The following ELF2 variants were observed in gnomAD, a reference collection of about 807,000 sequenced individuals.
ELF2 encodes the protein ETS-related transcription factor Elf-2.
A neutral mutation model predicts 54.8 loss-of-function variants in ELF2; 11 were observed. The observed-to-expected ratio is 0.20, with a 90% confidence interval of 0.13 to 0.33. The LOEUF (loss-of-function observed/expected upper bound fraction) is 0.33. Ranked by LOEUF, ELF2 falls within the 10% of genes least tolerant of loss-of-function variation. The pLI, the probability that ELF2 is intolerant of heterozygous loss-of-function variation, is 1.00. For synonymous variants in ELF2, 203 were observed against 245.1 expected (o/e 0.83, Z 1.61); for missense variants, 513 against 703.0 (o/e 0.73, Z 3.06).
chr4:139,114,597 A>ACACACACACACACACACACAC (rs1370544863), intron 4 of ELF2, among the ~76,000 whole-genome samples: 17 of 145,784 alleles, frequency 1.2e-4, no homozygotes, highest in South Asian at 2.2e-4. Flanking sequence ...ACACACACAC[A>ACACACACACACACACACACAC]ATTTAGGAGC....
At chr4:139,135,235 A>ATGTGTGTGTG (rs768773968) in intron 3 of ELF2, among the ~76,000 whole-genome samples, 1 of 131,886 alleles carries the variant, frequency 7.6e-6, no homozygotes, top group Non-Finnish European at 1.6e-5. Flanking sequence ...ACTACTATAT[A>ATGTGTGTGTG]TATGTGTGTG....
At chr4:139,146,055 G>A (rs904807286) in intron 1 of ELF2, among the ~76,000 whole-genome samples, 7 of 152,256 alleles carry the variant, frequency 4.6e-5, no homozygotes, top group African/African-American at 1.7e-4. Context: ...GAAATAAAGG[G>A]CATCCAAATT....
intron 4 of ELF2, among the ~76,000 whole-genome samples, chr4:139,117,136 G>C (rs1042649523): frequency 6.6e-6 from 1 of 152,068 alleles, no homozygotes; most frequent in African/African-American, 2.4e-5. Flanking sequence ...CGTGGTTAAG[G>C]AGCAAAGTCC....
intron 3 of ELF2, 48 bp from the exon 4 acceptor site, chr4:139,125,377 C>G (rs781040594): frequency 5.7e-6 from 9 of 1,588,382 alleles, no homozygotes; most frequent in South Asian, 1.2e-5. Context: ...TTTACAAATT[C>G]TGAATTCACT....
intron 3 of ELF2, among the ~76,000 whole-genome samples, chr4:139,130,802 AGTC>A (rs1737414288): frequency 6.6e-6 from 1 of 152,246 alleles, no homozygotes; most frequent in Non-Finnish European, 1.5e-5. Context: ...AGAATAATAA[AGTC>A]AACAAATTTT....
intron 1 of ELF2, among the ~76,000 whole-genome samples, chr4:139,168,754 G>T: frequency 6.6e-6 from 1 of 152,000 alleles, no homozygotes; most frequent in East Asian, 1.9e-4. Context: ...TTTTTTTAGA[G>T]ACAGGGTCTC....
At chr4:139,097,442 C>A (rs1050114340) in intron 4 of ELF2, among the ~76,000 whole-genome samples, 2 of 152,080 alleles carry the variant, frequency 1.3e-5, no homozygotes, top group African/African-American at 4.8e-5. Context: ...ATGGGTGAAA[C>A]CCCGTCTCTA....
At chr4:139,104,672 A>C (rs1480104935) in intron 4 of ELF2, among the ~76,000 whole-genome samples, 2 of 152,196 alleles carry the variant, frequency 1.3e-5, no homozygotes, top group Admixed American at 1.3e-4. Flanking sequence ...TTTTCCATCA[A>C]TGAGGACAGG....
intron 4 of ELF2, among the ~76,000 whole-genome samples, chr4:139,110,637 T>A (rs72949635): frequency 0.015 from 2,252 of 152,356 alleles, 63 homozygotes; most frequent in African/African-American, 0.051. Flanking sequence ...ATTCTAGTTC[T>A]TGCTTTAAAA....
chr4:139,103,958 T>C (rs1478527982), intron 4 of ELF2, among the ~76,000 whole-genome samples: 1 of 152,212 alleles, frequency 6.6e-6, no homozygotes, highest in East Asian at 1.9e-4. Context: ...ATATAAAACA[T>C]ATGAAAAGTA....
At chr4:139,067,656 A>C (rs751818135) in intron 7 of ELF2, 28 bp downstream of exon 7, 2 of 1,607,974 alleles carry the variant, frequency 1.2e-6, no homozygotes, top group South Asian at 1.1e-5. Flanking sequence ...AAATCATCTC[A>C]CTTCCAAAGC....
At chr4:139,107,663 CCT>C (rs1734552499) in intron 4 of ELF2, among the ~76,000 whole-genome samples, 1 of 152,058 alleles carries the variant, frequency 6.6e-6, no homozygotes, top group South Asian at 2.1e-4. Context: ...AAAAAAAGCA[CCT>C]CTCAATAGCT....
chr4:139,093,896 C>CTT (rs33953924), intron 4 of ELF2, among the ~76,000 whole-genome samples: 16 of 83,508 alleles, frequency 1.9e-4, no homozygotes, highest in African/African-American at 3.2e-4. Context: ...TGACTAACAT[C>CTT]TTTTTTTTTT....
intron 4 of ELF2, among the ~76,000 whole-genome samples, chr4:139,106,056 A>C (rs890246758): frequency 3.3e-5 from 5 of 152,234 alleles, no homozygotes; most frequent in Non-Finnish European, 7.3e-5. Flanking sequence ...TGTATGCTTA[A>C]GTTTAAGAAC....
chr4:139,076,812 T>C (rs1047654144), intron 4 of ELF2, among the ~76,000 whole-genome samples: 1 of 152,190 alleles, frequency 6.6e-6, no homozygotes, highest in African/African-American at 2.4e-5. Flanking sequence ...TGGAAATTAC[T>C]TCTTCAAGGT....
At chr4:139,078,647 T>C (rs1356401957) in intron 4 of ELF2, among the ~76,000 whole-genome samples, 1 of 151,444 alleles carries the variant, frequency 6.6e-6, no homozygotes, top group East Asian at 1.9e-4. Flanking sequence ...AGCCAGAAAT[T>C]AAGTTTAAAT....
At chr4:139,124,250 G>A (rs976326937) in intron 4 of ELF2, among the ~76,000 whole-genome samples, 2 of 152,144 alleles carry the variant, frequency 1.3e-5, no homozygotes, top group African/African-American at 4.8e-5. Context: ...TCAGTGCTCT[G>A]AAAAGCAAGG....
At chr4:139,073,727 T>C (rs1729862005) in intron 4 of ELF2, 160 bp from the exon 5 acceptor site, 1 of 377,810 alleles carries the variant, frequency 2.6e-6, no homozygotes, top group Non-Finnish European at 4.7e-6. Flanking sequence ...TATTCGTCTA[T>C]ATAAATTACA....
Position 139,146,724 on chromosome 4 carries a change from T to C in ELF2, c.-251-7227A>G, listed in dbSNP as rs570620415. Among the ~76,000 whole-genome samples, 20 of 152,092 alleles carry C rather than the reference T, an allele frequency of 1.3e-4. No homozygotes were observed. In the East Asian group the frequency reaches 2.1e-3, roughly 16 times the overall value. ...AAGAATCCAGAAATAAAACCAAATATCCACAACCAACTCTCTTCAACAAAG... is the reference window on the plus strand; with the variant it reads ...AAGAATCCAGAAATAAAACCAAATACCCACAACCAACTCTCTTCAACAAAG... On this transcript the variant is annotated intron_variant, in intron 1 of 9. Transcript: ENST00000686138.
Sources: allele counts gnomAD v4.1 joint callset (sites outside exome capture counted in the v4.1 genomes callset), GRCh38; gene constraint gnomAD v4.1.1; transcripts MANE v1.5; gene names NCBI Gene and HGNC (gene_info 2026-07-23, HGNC 2026-07-21).